TCF12: variants seen among roughly 807,000 people sequenced by gnomAD.
TCF12 encodes the protein DNA-binding protein HTF4.
In TCF12, 45 loss-of-function variants were observed where a neutral mutation model predicts 86.0. That is an observed-to-expected ratio of 0.52 (90% CI 0.41 to 0.67). TCF12 has a LOEUF of 0.67. TCF12 is among the 30% of genes least tolerant of loss of function. The pLI is 0.00. For missense variants in TCF12, 881 were observed against 859.9 expected (o/e 1.02, Z -0.31); for synonymous variants, 330 against 299.6 (o/e 1.10, Z -1.05).
Position 57,166,391 on chromosome 15 carries a change from T to G in TCF12, c.326-11T>G, listed in dbSNP as rs202127960. Reference sequence around the variant, plus strand: ...AGGGTTTTATATAAAGTTAATTTCTTTGTTTTATAGGAAAAACATCAGAGA... The same window carrying G: ...AGGGTTTTATATAAAGTTAATTTCTGTGTTTTATAGGAAAAACATCAGAGA... On this transcript the variant is annotated splice_polypyrimidine_tract_variant and intron_variant, in intron 5 of 20. Transcript: ENST00000333725. 1 of 1,608,866 alleles carries G rather than the reference T, an allele frequency of 6.2e-7. No individual in the cohort carries two copies. Among genetic ancestry groups the G allele is most frequent in the Admixed American group, 1.7e-5 (1 of 59,534 alleles).
chr15:57,102,268 AAT>A, intron 5 of TCF12, among the ~76,000 whole-genome samples: 1 of 152,338 alleles, frequency 6.6e-6, no homozygotes, highest in South Asian at 2.1e-4. Flanking sequence ...AAATACTTGA[AAT>A]AGCAGTAACT....
chr15:57,138,801 C>T (rs2052747746), intron 5 of TCF12, among the ~76,000 whole-genome samples: 2 of 152,078 alleles, frequency 1.3e-5, no homozygotes, highest in South Asian at 4.2e-4. Context: ...ATTATGTAGT[C>T]ATTTCTTTTT....
chr15:57,117,153 C>A (rs2050898075), intron 5 of TCF12, among the ~76,000 whole-genome samples: 1 of 151,994 alleles, frequency 6.6e-6, no homozygotes, highest in Admixed American at 6.5e-5. Context: ...GCTCTGCCCA[C>A]CTCTGCCTCC....
intron 3 of TCF12, among the ~76,000 whole-genome samples, chr15:56,997,890 A>G (rs1170644691): frequency 2.0e-5 from 3 of 152,318 alleles, no homozygotes; most frequent in East Asian, 1.9e-4. Flanking sequence ...TGCAAACACT[A>G]TTGGAAAGAA....
intron 3 of TCF12, among the ~76,000 whole-genome samples, chr15:57,044,655 T>C (rs1402048380): frequency 3.3e-5 from 5 of 152,188 alleles, no homozygotes; most frequent in Non-Finnish European, 5.9e-5. Context: ...TTTATGGATC[T>C]TTTCTTTGAA....
At chr15:57,244,787 T>G (rs1189273932) in intron 13 of TCF12, among the ~76,000 whole-genome samples, 1 of 151,990 alleles carries the variant, frequency 6.6e-6, no homozygotes, top group Non-Finnish European at 1.5e-5. Flanking sequence ...TTTCTTAATA[T>G]TTTTTATGTT....
chr15:57,125,174 A>G (rs780844430), intron 5 of TCF12, among the ~76,000 whole-genome samples: 9 of 152,224 alleles, frequency 5.9e-5, no homozygotes, highest in Non-Finnish European at 1.2e-4. Flanking sequence ...CCAGATCGTT[A>G]TGAAAAATTA....
chr15:57,212,343 G>A (rs2058147201), intron 8 of TCF12, among the ~76,000 whole-genome samples: 1 of 152,038 alleles, frequency 6.6e-6, no homozygotes, highest in African/African-American at 2.4e-5. Context: ...GAGTACAGTG[G>A]CACAATCATA....
intron 6 of TCF12, among the ~76,000 whole-genome samples, chr15:57,173,396 C>T (rs776611262): frequency 6.6e-6 from 1 of 151,910 alleles, no homozygotes. Flanking sequence ...GAAGGAAATA[C>T]TACAAATAAG....
chr15:57,046,897 C>G (rs535165343), intron 3 of TCF12, among the ~76,000 whole-genome samples: 43 of 152,330 alleles, frequency 2.8e-4, no homozygotes, highest in Non-Finnish European at 5.6e-4. Context: ...CCTGAGGCAG[C>G]TCTGAACAAT....
chr15:57,040,477 G>T (rs961223947), intron 3 of TCF12, among the ~76,000 whole-genome samples: 1 of 152,232 alleles, frequency 6.6e-6, no homozygotes, highest in Non-Finnish European at 1.5e-5. Flanking sequence ...GTAAGAATTG[G>T]CTGAATAGTA....
At chr15:57,205,612 A>G (rs1425491226) in intron 8 of TCF12, among the ~76,000 whole-genome samples, 1 of 152,244 alleles carries the variant, frequency 6.6e-6, no homozygotes, top group Non-Finnish European at 1.5e-5. Context: ...CTTACAGGTC[A>G]GACTAGCAGA....
chr15:57,239,884 A>T (rs2733320), intron 12 of TCF12, among the ~76,000 whole-genome samples: 31,443 of 152,012 alleles, frequency 0.21, 3,485 homozygotes, highest in Non-Finnish European at 0.24. Context: ...ATGAAAAGAG[A>T]TCCTGTCCAG....
chr15:57,155,766 C>G (rs1385738356), intron 5 of TCF12, among the ~76,000 whole-genome samples: 1 of 152,124 alleles, frequency 6.6e-6, no homozygotes, highest in African/African-American at 2.4e-5. Context: ...GACAACAGAT[C>G]AAGACCCTGT....
chr15:56,988,416 G>A (rs552367960), intron 3 of TCF12, among the ~76,000 whole-genome samples: 1 of 152,172 alleles, frequency 6.6e-6, no homozygotes, highest in Non-Finnish European at 1.5e-5. Context: ...CATAGAAAAA[G>A]TACAATAAAA....
intron 1 of TCF12, chr15:56,919,678 G>T: frequency 2.6e-6 from 1 of 388,474 alleles, no homozygotes; most frequent in Non-Finnish European, 4.7e-6. Flanking sequence ...CGTCGATCTC[G>T]GGCCGCGGCG....
At chr15:57,121,446 A>C (rs946943501) in intron 5 of TCF12, among the ~76,000 whole-genome samples, 2 of 152,210 alleles carry the variant, frequency 1.3e-5, no homozygotes, top group Non-Finnish European at 2.9e-5. Context: ...TAAAAGGTGT[A>C]GTTGGCCTGT....
At chr15:57,078,435 G>A (rs531377683) in intron 4 of TCF12, among the ~76,000 whole-genome samples, 1 of 152,212 alleles carries the variant, frequency 6.6e-6, no homozygotes, top group African/African-American at 2.4e-5. Flanking sequence ...TCATGAAAAG[G>A]TTATTCAGTT....
chr15:56,944,808 A>C (rs2060925289), intron 3 of TCF12, among the ~76,000 whole-genome samples: 2 of 152,184 alleles, frequency 1.3e-5, no homozygotes, highest in South Asian at 2.1e-4. Context: ...ACTGTGTAAA[A>C]AATGGTAAGT....
Sources: gnomAD v4.1 joint callset for allele counts (sites outside exome capture counted in the v4.1 genomes callset) on GRCh38, gnomAD v4.1.1 for gene constraint, MANE v1.5 for transcripts, NCBI Gene and HGNC (gene_info 2026-07-23, HGNC 2026-07-21) for gene names.